Variants in THRB observed in about 807,000 individuals in gnomAD.
The protein encoded by THRB is thyroid hormone receptor beta, also known as nuclear receptor subfamily 1 group A member 2.
Under a neutral mutation model 47.8 loss-of-function variants are expected in THRB, and 12 were observed. That is an observed-to-expected ratio of 0.25 (90% CI 0.16 to 0.41). The LOEUF (loss-of-function observed/expected upper bound fraction) is 0.41, where lower values mean the gene tolerates loss of function less well. THRB is among the 10% of genes least tolerant of loss of function. The pLI, the probability that THRB is intolerant of heterozygous loss-of-function variation, is 1.00. For synonymous variants in THRB, 218 were observed against 212.2 expected (o/e 1.03, Z -0.24); for missense variants, 348 against 589.2 (o/e 0.59, Z 4.24).
chr3:24,271,964 G>A (rs574737603), intron 3 of THRB, among the ~76,000 whole-genome samples: 4 of 152,140 alleles, frequency 2.6e-5, no homozygotes, highest in South Asian at 2.1e-4. Flanking sequence ...TGATGGTCTT[G>A]GGTTATTATG....
chr3:24,450,147 C>G (rs954486979), intron 1 of THRB, among the ~76,000 whole-genome samples: 4 of 152,094 alleles, frequency 2.6e-5, no homozygotes, highest in Non-Finnish European at 5.9e-5. Context: ...AATTAAAAAT[C>G]TCGTTTAATT....
chr3:24,385,935 G>T (rs780227822), intron 1 of THRB, among the ~76,000 whole-genome samples: 20 of 152,130 alleles, frequency 1.3e-4, no homozygotes, highest in Non-Finnish European at 2.4e-4. Flanking sequence ...ACAGTGGCAG[G>T]TTACTTCATG....
chr3:24,360,771 C>A (rs1048293204), intron 1 of THRB, among the ~76,000 whole-genome samples: 15 of 152,130 alleles, frequency 9.9e-5, no homozygotes, highest in Admixed American at 3.3e-4. Flanking sequence ...CATTTTTATA[C>A]ACATCATATG....
chr3:24,298,404 A>C (rs188322471), intron 2 of THRB, among the ~76,000 whole-genome samples: 10 of 152,354 alleles, frequency 6.6e-5, no homozygotes, highest in Admixed American at 3.9e-4. Flanking sequence ...AATTCGGTAC[A>C]ATTGCAGTAA....
chr3:24,133,238 G>A (rs1351654745), intron 9 of THRB, 78 bp downstream of exon 9: 95 of 1,517,800 alleles, frequency 6.3e-5, no homozygotes, highest in Non-Finnish European at 8.6e-5. Context: ...ACATTAAATT[G>A]TAAATAATAC....
chr3:24,192,644 G>A (rs2043488715), intron 4 of THRB, among the ~76,000 whole-genome samples: 1 of 152,108 alleles, frequency 6.6e-6, no homozygotes, highest in Non-Finnish European at 1.5e-5. Context: ...AGAGGACATT[G>A]CCCCTTAAAG....
At chr3:24,135,847 A>ATATAAATT (rs371175625) in intron 8 of THRB, among the ~76,000 whole-genome samples, 11,496 of 130,830 alleles carry the variant, frequency 0.088, 656 homozygotes, top group South Asian at 0.16. Flanking sequence ...ATATATATAT[A>ATATAAATT]ATACATAAAT....
At chr3:24,208,475 A>G (rs187936566) in intron 4 of THRB, among the ~76,000 whole-genome samples, 2,233 of 152,332 alleles carry the variant, frequency 0.015, 38 homozygotes, top group Non-Finnish European at 0.021. Flanking sequence ...TAACCAAAAC[A>G]GCATGGTACT....
chr3:24,315,963 T>A (rs1402587115), intron 2 of THRB, among the ~76,000 whole-genome samples: 2 of 152,158 alleles, frequency 1.3e-5, no homozygotes, highest in Non-Finnish European at 2.9e-5. Flanking sequence ...CTCCGTATGT[T>A]TCTGTTTTTT....
At chr3:24,228,087 G>A (rs569659088) in intron 4 of THRB, among the ~76,000 whole-genome samples, 3 of 152,256 alleles carry the variant, frequency 2.0e-5, no homozygotes, top group South Asian at 2.1e-4. Flanking sequence ...ATTCCTTCTT[G>A]TCAGTGATTG....
chr3:24,168,493 A>G (rs141642157), intron 5 of THRB, among the ~76,000 whole-genome samples: 1 of 144,374 alleles, frequency 6.9e-6, no homozygotes, highest in Non-Finnish European at 1.5e-5. Flanking sequence ...AATCAATAAT[A>G]TATATATATA....
chr3:24,287,331 C>T (rs569636697), intron 3 of THRB, among the ~76,000 whole-genome samples: 1 of 152,264 alleles, frequency 6.6e-6, no homozygotes, highest in East Asian at 1.9e-4. Context: ...CTTGATTGAT[C>T]AAAAACAGAA....
chr3:24,458,144 AT>A (rs1347263183), intron 1 of THRB: 1 of 152,148 alleles, frequency 6.6e-6, no homozygotes, highest in African/African-American at 2.4e-5. Context: ...AAAAATAAAC[AT>A]TTTGAGGCTA....
At position 24,388,043 on chromosome 3, in the gene THRB, C is replaced by T. The variant is rs1378431574; in HGVS notation, c.-260-50672G>A. On this transcript the variant is annotated intron_variant, in intron 1 of 10. Coordinates refer to ENST00000646209, the MANE Select transcript of THRB (RefSeq NM_001354712.2). Reference sequence around the variant, plus strand: ...CTATGATGGGTATTGTCACGCACCACCCAGATCTCCTTCAGTAAGATATAA... The same window carrying T: ...CTATGATGGGTATTGTCACGCACCATCCAGATCTCCTTCAGTAAGATATAA... 3.9e-5 allele frequency among the ~76,000 whole-genome samples: 6 copies of T among 152,106 alleles called. No homozygotes were observed. The South Asian group carries it at 1.0e-3, about 26-fold the overall frequency.
At chr3:24,170,785 C>T (rs1323509973) in intron 5 of THRB, among the ~76,000 whole-genome samples, 1 of 151,730 alleles carries the variant, frequency 6.6e-6, no homozygotes, top group Non-Finnish European at 1.5e-5. Context: ...CCCTGACACT[C>T]TTCATATACA....
At chr3:24,273,047 A>G (rs1199728360) in intron 3 of THRB, among the ~76,000 whole-genome samples, 3 of 152,154 alleles carry the variant, frequency 2.0e-5, no homozygotes, top group African/African-American at 7.2e-5. Context: ...AATTCTGTTT[A>G]CAATGGAAGA....
intron 1 of THRB, among the ~76,000 whole-genome samples, chr3:24,423,377 C>T (rs2069454821): frequency 6.6e-6 from 1 of 151,758 alleles, no homozygotes; most frequent in African/African-American, 2.4e-5. Flanking sequence ...GAAAACCCTA[C>T]TCTGCTGTCA....
intron 1 of THRB, among the ~76,000 whole-genome samples, chr3:24,426,755 A>C (rs1278733908): frequency 2.0e-5 from 3 of 151,998 alleles, no homozygotes; most frequent in African/African-American, 7.2e-5. Context: ...ATCATAATTA[A>C]TGCAAAAGAT....
rs566312600 is a variant in THRB at position 24,462,420 on chromosome 3, A to G, written c.-261+32232T>C. ...GATGAGTTTTTAAGAAAATTCAGAC[A>G]AGTAGTCCTTCAAATTAAGTTGGTT... On this transcript the variant is annotated intron_variant, in intron 1 of 10. Coordinates refer to ENST00000646209, the MANE Select transcript of THRB (RefSeq NM_001354712.2). Among the ~76,000 whole-genome samples the G allele has an allele frequency of 2.1e-3, 327 of 152,382 alleles. 1 individual carries two copies. Among genetic ancestry groups the G allele is most frequent in the South Asian group, 0.016 (76 of 4,832 alleles).
Sources: allele counts gnomAD v4.1 joint callset (sites outside exome capture counted in the v4.1 genomes callset), GRCh38; gene constraint gnomAD v4.1.1; transcripts MANE v1.5; gene names NCBI Gene and HGNC (gene_info 2026-07-23, HGNC 2026-07-21).